The following CSMD1 variants were observed in gnomAD, a reference collection of about 807,000 sequenced individuals.
The protein encoded by CSMD1 is CUB and Sushi multiple domains 1.
CSMD1 carries 213 observed loss-of-function variants against 417.5 expected under a neutral mutation model. That is an observed-to-expected ratio of 0.51 (90% CI 0.46 to 0.57). CSMD1 has a LOEUF of 0.57. Ranked by LOEUF, CSMD1 falls within the 20% of genes least tolerant of loss-of-function variation. CSMD1 has a pLI of 0.00. For synonymous variants in CSMD1, 2,862 were observed against 1,736.8 expected (o/e 1.65, Z -16.11); for missense variants, 6,923 against 4,529.7 (o/e 1.53, Z -15.17).
chr8:4,423,985 A>G (rs1797403168), intron 2 of CSMD1, among the ~76,000 whole-genome samples: 1 of 152,050 alleles, frequency 6.6e-6, no homozygotes, highest in Admixed American at 6.6e-5. Context: ...ACAAATTATG[A>G]TGGATCAATT....
intron 1 of CSMD1, among the ~76,000 whole-genome samples, chr8:4,686,866 C>G (rs766970570): frequency 2.0e-5 from 3 of 152,310 alleles, no homozygotes; most frequent in East Asian, 1.9e-4. Flanking sequence ...GAGGCAAACC[C>G]TGAGCAGGCG....
In CSMD1 at chr8:4,833,768, T is replaced by C. The variant is rs543386366; in HGVS notation, c.85+160564A>G. 3.3e-5 allele frequency among the ~76,000 whole-genome samples: 5 copies of C among 152,324 alleles called. No individual in the cohort carries two copies. In the South Asian group the frequency reaches 1.0e-3, roughly 32 times the overall value. ...GATTTACATTGACTTCTATTCGTTA[T>C]CTTAGGATATGATCCCATGGAAGGA... On this transcript the variant is annotated intron_variant, in intron 1 of 69. Coordinates refer to ENST00000635120, the MANE Select transcript of CSMD1 (RefSeq NM_033225.6).
intron 2 of CSMD1, among the ~76,000 whole-genome samples, chr8:4,619,250 G>A (rs1046235991): frequency 1.3e-5 from 2 of 152,080 alleles, no homozygotes; most frequent in Admixed American, 1.3e-4. Context: ...CTAATTACAT[G>A]TTGTTATGTT....
At chr8:4,829,843 G>C (rs1281190346) in intron 1 of CSMD1, among the ~76,000 whole-genome samples, 1 of 152,048 alleles carries the variant, frequency 6.6e-6, no homozygotes, top group Non-Finnish European at 1.5e-5. Flanking sequence ...GCTTTACCTT[G>C]GGGACAAGGG....
chr8:4,566,873 G>A (rs1798638718), intron 2 of CSMD1, among the ~76,000 whole-genome samples: 1 of 66,122 alleles, frequency 1.5e-5, no homozygotes, highest in African/African-American at 4.8e-5. Flanking sequence ...AAAAAATATT[G>A]ACTTGGCTGA....
chr8:3,627,180 A>G (rs1796534962), intron 7 of CSMD1, among the ~76,000 whole-genome samples: 1 of 152,104 alleles, frequency 6.6e-6, no homozygotes, highest in Non-Finnish European at 1.5e-5. Context: ...ATTTCACCCT[A>G]TATGCTATTC....
intron 3 of CSMD1, among the ~76,000 whole-genome samples, chr8:4,059,887 C>T: frequency 6.6e-6 from 1 of 151,344 alleles, no homozygotes; most frequent in East Asian, 2.0e-4. Context: ...GGTACCATTC[C>T]TTCTGAAACT....
chr8:4,005,830 C>A (rs1212605544), intron 4 of CSMD1, among the ~76,000 whole-genome samples: 2 of 152,200 alleles, frequency 1.3e-5, no homozygotes, highest in African/African-American at 4.8e-5. Flanking sequence ...CCCCGGATTG[C>A]TAGCATAAGC....
intron 3 of CSMD1, among the ~76,000 whole-genome samples, chr8:4,360,478 C>A (rs1219734862): frequency 6.6e-6 from 1 of 152,102 alleles, no homozygotes; most frequent in Admixed American, 6.5e-5. Flanking sequence ...TTTTTTCTTG[C>A]ACATACTTCC....
At chr8:4,091,103 G>C (rs539742730) in intron 3 of CSMD1, among the ~76,000 whole-genome samples, 1 of 152,020 alleles carries the variant, frequency 6.6e-6, no homozygotes, top group South Asian at 2.1e-4. Flanking sequence ...AATTTTAGTA[G>C]AGATGGGGTT....
At chr8:3,214,471 T>C (rs1388083270) in intron 30 of CSMD1, 26 bp downstream of exon 30, 2 of 1,500,336 alleles carry the variant, frequency 1.3e-6, no homozygotes, top group African/African-American at 1.4e-5. Context: ...GTTGTATTTC[T>C]AGAAAATACC....
intron 51 of CSMD1, among the ~76,000 whole-genome samples, chr8:3,028,465 T>C (rs1810109643): frequency 6.6e-6 from 1 of 152,142 alleles, no homozygotes; most frequent in East Asian, 1.9e-4. Context: ...GAAAACAGGC[T>C]TCAGGCAGGG....
chr8:4,221,160 C>G (rs1477651320), intron 3 of CSMD1, among the ~76,000 whole-genome samples: 1 of 152,182 alleles, frequency 6.6e-6, no homozygotes, highest in East Asian at 1.9e-4. Flanking sequence ...ATCACTGAAG[C>G]TCCATCCGTG....
intron 3 of CSMD1, among the ~76,000 whole-genome samples, chr8:4,098,428 T>C (rs916677096): frequency 7.2e-5 from 11 of 152,160 alleles, no homozygotes; most frequent in African/African-American, 2.2e-4. Context: ...TCATGTTACA[T>C]AATATGTGCA....
chr8:2,967,070 T>G (rs1427841587), intron 57 of CSMD1, among the ~76,000 whole-genome samples: 3 of 152,224 alleles, frequency 2.0e-5, no homozygotes, highest in African/African-American at 2.4e-5. Flanking sequence ...CCTTGCTATT[T>G]GGGGATTGAA....
intron 30 of CSMD1, among the ~76,000 whole-genome samples, chr8:3,210,978 T>C (rs1294461368): frequency 1.3e-5 from 2 of 151,742 alleles, no homozygotes; most frequent in African/African-American, 2.4e-5. Flanking sequence ...GGGGGAAAAA[T>C]ACACCAGGGG....
At chr8:2,990,671 A>T (rs528452857) in intron 54 of CSMD1, among the ~76,000 whole-genome samples, 66 of 152,352 alleles carry the variant, frequency 4.3e-4, no homozygotes, top group African/African-American at 1.5e-3. Context: ...AAGACACAAT[A>T]GAAGCCTGCT....
chr8:4,134,782 C>T (rs949925176), intron 3 of CSMD1, among the ~76,000 whole-genome samples: 19 of 152,190 alleles, frequency 1.2e-4, no homozygotes, highest in African/African-American at 3.1e-4. Context: ...ATTCTCAACA[C>T]GGCATCATGA....
chr8:4,083,499 A>G (rs1800253435), intron 3 of CSMD1, among the ~76,000 whole-genome samples: 1 of 152,210 alleles, frequency 6.6e-6, no homozygotes, highest in Non-Finnish European at 1.5e-5. Context: ...AGAGATATAG[A>G]TCAATGGAAC....
Sources: allele counts gnomAD v4.1 joint callset (sites outside exome capture counted in the v4.1 genomes callset), GRCh38; gene constraint gnomAD v4.1.1; transcripts MANE v1.5; gene names NCBI Gene and HGNC (gene_info 2026-07-23, HGNC 2026-07-21).